The following CCDC141 variants were observed in gnomAD, a reference collection of about 807,000 sequenced individuals.
The protein encoded by CCDC141 is coiled-coil domain-containing protein 141.
CCDC141 carries 168 observed loss-of-function variants against 181.0 expected under a neutral mutation model. The observed-to-expected ratio is 0.93, with a 90% CI of 0.82 to 1.05. CCDC141 has a LOEUF of 1.05. CCDC141 is among the 50% of genes least tolerant of loss of function. CCDC141 has a pLI of 0.00. For missense variants in CCDC141, 1,902 were observed against 1,788.5 expected (o/e 1.06, Z -1.14); for synonymous variants, 666 against 642.3 (o/e 1.04, Z -0.56).
At chr2:178,882,603 T>A (rs1686677566) in intron 11 of CCDC141, among the ~76,000 whole-genome samples, 1 of 152,004 alleles carries the variant, frequency 6.6e-6, no homozygotes, top group African/African-American at 2.4e-5. Flanking sequence ...CAGGGACGTA[T>A]GAGTTAAGAA....
At chr2:178,911,765 C>T (rs10167919) in intron 7 of CCDC141, among the ~76,000 whole-genome samples, 59,069 of 152,058 alleles carry the variant, frequency 0.39, 13,693 homozygotes, top group South Asian at 0.56. Flanking sequence ...GATTAGGACA[C>T]AATCTCTCTC....
At chr2:178,905,287 G>A in intron 8 of CCDC141, 42 bp downstream of exon 8, 1 of 1,494,648 alleles carries the variant, frequency 6.7e-7, no homozygotes. Flanking sequence ...TGGAAACTGT[G>A]AAAAAGCTTG....
At chr2:178,972,121 CAA>C (rs1690918113) in intron 4 of CCDC141, among the ~76,000 whole-genome samples, 1 of 151,840 alleles carries the variant, frequency 6.6e-6, no homozygotes, top group Non-Finnish European at 1.5e-5. Context: ...AAGATATATA[CAA>C]CATCCAAGAA....
chr2:179,011,513 A>T (rs2042269364), intron 2 of CCDC141, among the ~76,000 whole-genome samples: 1 of 152,220 alleles, frequency 6.6e-6, no homozygotes, highest in African/African-American at 2.4e-5. Flanking sequence ...AGACAGAAAC[A>T]CAATAGTGGG....
At chr2:178,994,157 G>A (rs1374857427) in intron 2 of CCDC141, among the ~76,000 whole-genome samples, 1 of 152,154 alleles carries the variant, frequency 6.6e-6, no homozygotes, top group Non-Finnish European at 1.5e-5. Flanking sequence ...TGTCCCAGTA[G>A]GTATTCTGTT....
intron 8 of CCDC141, among the ~76,000 whole-genome samples, chr2:178,903,810 G>T (rs1471044557): frequency 6.6e-6 from 1 of 151,652 alleles, no homozygotes; most frequent in Non-Finnish European, 1.5e-5. Context: ...CCACAGCCAG[G>T]GAACATGCCG....
intron 17 of CCDC141, among the ~76,000 whole-genome samples, chr2:178,860,787 G>C (rs1480233318): frequency 6.6e-6 from 1 of 151,734 alleles, no homozygotes; most frequent in African/African-American, 2.4e-5. Context: ...GGATAACTTG[G>C]GAAGACGTGA....
intron 2 of CCDC141, among the ~76,000 whole-genome samples, chr2:179,020,918 C>T (rs565504098): frequency 9.9e-5 from 15 of 152,134 alleles, no homozygotes; most frequent in African/African-American, 3.1e-4. Context: ...TAAGCAAATA[C>T]GTGGTATGAT....
In CCDC141 at chr2:178,834,221, A is replaced by T. The variant is rs1209407203; in HGVS notation, c.4545T>A (p.Cys1515Ter). Residue 1515 changes from cysteine to a stop codon, truncating the protein, a stop_gained, in exon 24 of 24, where the codon TGT becomes TGA. Transcript: ENST00000443758. LOFTEE classifies it high-confidence loss of function. ...PITRVNWITL[C>*]VVYVSVSLMY... ...TTAGGGACACACTAACATAGACGAC[A>T]CACAGGGTTATCCAGTTTACTCTTG... is the stretch of plus-strand genomic sequence containing the variant. 1.3e-6 allele frequency: 2 copies of T among 1,536,316 alleles called. No individual in the cohort carries two copies. The highest frequency in any genetic ancestry group is 3.9e-5 in the Admixed American group (2 of 50,982).
chr2:178,934,910 T>A (rs1689226870), intron 6 of CCDC141, among the ~76,000 whole-genome samples: 1 of 152,174 alleles, frequency 6.6e-6, no homozygotes, highest in South Asian at 2.1e-4. Flanking sequence ...CTGTGCCTCA[T>A]ATCCACACCC....
intron 6 of CCDC141, among the ~76,000 whole-genome samples, chr2:178,932,478 C>T (rs548876263): frequency 4.6e-5 from 7 of 152,120 alleles, no homozygotes; most frequent in Non-Finnish European, 8.8e-5. Context: ...TATATCTACA[C>T]GGTTTGGTAA....
At chr2:178,880,640 C>G (rs1186485310) in intron 11 of CCDC141, among the ~76,000 whole-genome samples, 1 of 152,142 alleles carries the variant, frequency 6.6e-6, no homozygotes, top group African/African-American at 2.4e-5. Context: ...TTGATGTTTG[C>G]TAGTGCTTGA....
Position 178,961,499 on chromosome 2 carries a change from A to G in CCDC141, c.527-16T>C, listed in dbSNP as rs1007271178. On this transcript the variant is annotated splice_polypyrimidine_tract_variant and intron_variant, in intron 4 of 23. Transcript: ENST00000443758. ...TCCAAGAGTTCTAGAAGAAAATTAG[A>G]AAGAAAAAAGAATAATGATATTAGC... 2.0e-6 allele frequency: 3 copies of G among 1,530,850 alleles called. No individual in the cohort carries two copies. Among genetic ancestry groups the G allele is most frequent in the Non-Finnish European group, 2.6e-6 (3 of 1,134,402 alleles). 94.8% of individuals were successfully genotyped at this position (1,530,850 alleles called of 1,614,324 possible). A position where few individuals can be genotyped will look rare whatever the true frequency, so the allele number is the denominator to read the frequency against.
At chr2:178,974,406 G>GT (rs1477286338) in intron 4 of CCDC141, among the ~76,000 whole-genome samples, 3 of 152,126 alleles carry the variant, frequency 2.0e-5, no homozygotes, top group African/African-American at 7.2e-5. Context: ...AAGATGACAG[G>GT]TAACTACTAC....
At chr2:178,849,408 C>A (rs751520238) in intron 21 of CCDC141, among the ~76,000 whole-genome samples, 2 of 152,202 alleles carry the variant, frequency 1.3e-5, no homozygotes, top group African/African-American at 2.4e-5. Context: ...ATCTTAATGA[C>A]CTTGCTGTTC....
chr2:178,989,227 G>C (rs1436999746), intron 2 of CCDC141, among the ~76,000 whole-genome samples: 1 of 151,904 alleles, frequency 6.6e-6, no homozygotes, highest in Admixed American at 6.6e-5. Context: ...CTTAGAATGG[G>C]AGAAAATGTT....
intron 11 of CCDC141, 26 bp downstream of exon 11, chr2:178,884,875 A>C: frequency 6.5e-7 from 1 of 1,533,968 alleles, no homozygotes; most frequent in Non-Finnish European, 8.8e-7. Context: ...CACCTTGCTG[A>C]AGAAGGTTAA....
At chr2:178,894,473 C>A (rs527960167) in intron 8 of CCDC141, among the ~76,000 whole-genome samples, 99 of 151,958 alleles carry the variant, frequency 6.5e-4, no homozygotes, top group African/African-American at 2.3e-3. Flanking sequence ...AGCAATCTGA[C>A]AATGACTTTA....
chr2:178,872,737 T>C (rs55800269), intron 12 of CCDC141, among the ~76,000 whole-genome samples: 11,693 of 152,322 alleles, frequency 0.077, 592 homozygotes, highest in Admixed American at 0.16. Context: ...GGACGGATTG[T>C]TCTGGACTGT....
Sources: allele counts gnomAD v4.1 joint callset (sites outside exome capture counted in the v4.1 genomes callset), GRCh38; gene constraint gnomAD v4.1.1; transcripts MANE v1.5; gene names NCBI Gene and HGNC (gene_info 2026-07-23, HGNC 2026-07-21).